Variants in VRK2 observed in about 807,000 individuals in gnomAD.
VRK2 encodes VRK serine/threonine kinase 2.
Under a neutral mutation model 57.6 loss-of-function variants are expected in VRK2, and 60 were observed. The observed-to-expected ratio is 1.04, with a 90% CI of 0.85 to 1.29. VRK2 has a LOEUF of 1.29. Ranked by LOEUF, VRK2 falls within the 50% of genes most tolerant of loss-of-function variation. The pLI, the probability that VRK2 is intolerant of heterozygous loss-of-function variation, is 0.00. For missense variants in VRK2, 705 were observed against 588.1 expected (o/e 1.20, Z -2.06); for synonymous variants, 231 against 199.2 (o/e 1.16, Z -1.35).
chr2:58,136,036 T>C (rs1236369237), intron 10 of VRK2, among the ~76,000 whole-genome samples: 1 of 152,196 alleles, frequency 6.6e-6, no homozygotes, highest in African/African-American at 2.4e-5. Context: ...CTGACCTCTC[T>C]AGCTAAGGTC....
At chr2:58,147,950 A>G (rs923054926) in intron 12 of VRK2, among the ~76,000 whole-genome samples, 1 of 151,788 alleles carries the variant, frequency 6.6e-6, no homozygotes, top group African/African-American at 2.4e-5. Flanking sequence ...CCATTCTCCT[A>G]TTAATGGACA....
chr2:57,936,523 G>GTTTTT (rs979256098), intron 1 of VRK2, among the ~76,000 whole-genome samples: 1 of 145,356 alleles, frequency 6.9e-6, no homozygotes, highest in Non-Finnish European at 1.5e-5. Flanking sequence ...GTTTTGTTTT[G>GTTTTT]TTTTTTTGTT....
At chr2:58,065,822 G>A (rs1173586900) in intron 2 of VRK2, among the ~76,000 whole-genome samples, 1 of 152,020 alleles carries the variant, frequency 6.6e-6, no homozygotes, top group Non-Finnish European at 1.5e-5. Flanking sequence ...TCCTATACAT[G>A]TATTGTTGGG....
chr2:58,106,377 A>G (rs796594003), intron 7 of VRK2, among the ~76,000 whole-genome samples: 1 of 152,062 alleles, frequency 6.6e-6, no homozygotes, highest in Non-Finnish European at 1.5e-5. Context: ...ATGTTTTGCT[A>G]AAAGAACCAG....
chr2:58,053,675 A>T (rs1467775095), intron 2 of VRK2, among the ~76,000 whole-genome samples: 1 of 152,186 alleles, frequency 6.6e-6, no homozygotes, highest in African/African-American at 2.4e-5. Context: ...CCCAGTGATA[A>T]TACTAGCAAC....
chr2:58,122,367 C>T (rs1404806403), intron 7 of VRK2, among the ~76,000 whole-genome samples: 1 of 152,116 alleles, frequency 6.6e-6, no homozygotes, highest in African/African-American at 2.4e-5. Context: ...CTACTGTTTA[C>T]CAGAAGCCTT....
In VRK2 at chr2:58,151,551, A is replaced by G. The variant is rs937968963; in HGVS notation, c.1182+5077A>G. Among the ~76,000 whole-genome samples the G allele has an allele frequency of 4.6e-5, 7 of 151,312 alleles. No individual in the cohort carries two copies. In the East Asian group the frequency reaches 5.8e-4, roughly 13 times the overall value. ...ACTATCTTTTATTTGCTCCATATCT[A>G]TTTCATGTAACTATATTTGCTCCAT... On this transcript the variant is annotated intron_variant, in intron 12 of 12. Transcript: ENST00000340157.
chr2:58,100,528 G>T (rs1180419284), intron 7 of VRK2, among the ~76,000 whole-genome samples: 2 of 151,728 alleles, frequency 1.3e-5, no homozygotes. Flanking sequence ...TTCCTTCCTT[G>T]TGAGGTTCTG....
intron 10 of VRK2, 82 bp from the exon 11 acceptor site, chr2:58,139,584 A>T: frequency 8.0e-7 from 1 of 1,242,970 alleles, no homozygotes; most frequent in East Asian, 2.3e-5. Flanking sequence ...AAAGACAAAG[A>T]TAACAAAGAT....
chr2:57,975,420 G>C (rs148566062), intron 1 of VRK2, among the ~76,000 whole-genome samples: 166 of 152,170 alleles, frequency 1.1e-3, no homozygotes, highest in African/African-American at 3.7e-3. Context: ...CACAAACTTT[G>C]TGGTTTCAAA....
chr2:58,094,104 C>G (rs553112171), intron 7 of VRK2, among the ~76,000 whole-genome samples: 115 of 152,310 alleles, frequency 7.6e-4, no homozygotes, highest in African/African-American at 2.6e-3. Context: ...AGCCTGATGC[C>G]TCCAGCTTTG....
intron 1 of VRK2, among the ~76,000 whole-genome samples, chr2:57,929,233 C>T (rs1057164264): frequency 3.9e-5 from 6 of 152,204 alleles, no homozygotes; most frequent in Non-Finnish European, 7.3e-5. Flanking sequence ...TACCTGGTGC[C>T]TTATTCTACT....
intron 1 of VRK2, among the ~76,000 whole-genome samples, chr2:57,932,617 T>C (rs899210524): frequency 1.7e-4 from 26 of 152,088 alleles, no homozygotes; most frequent in African/African-American, 5.8e-4. Flanking sequence ...GTTATGTTGT[T>C]TCTCTTTTTT....
chr2:58,048,462 A>C, intron 1 of VRK2: 1 of 929,200 alleles, frequency 1.1e-6, no homozygotes, highest in Non-Finnish European at 1.5e-6. Context: ...TGACAGCAAT[A>C]TTTCCATGTA....
chr2:57,914,509 C>T (rs1670086782), intron 1 of VRK2, among the ~76,000 whole-genome samples: 2 of 151,978 alleles, frequency 1.3e-5, no homozygotes. Flanking sequence ...TAGATGACGA[C>T]CTCTGCTATG....
chr2:58,150,000 T>C (rs1432483228), intron 12 of VRK2, among the ~76,000 whole-genome samples: 5 of 144,964 alleles, frequency 3.4e-5, no homozygotes, highest in Admixed American at 6.8e-5. Context: ...TCTTTTCTTT[T>C]TTTTTTTTTT....
At chr2:57,970,804 C>T (rs537904202) in intron 1 of VRK2, among the ~76,000 whole-genome samples, 25 of 151,846 alleles carry the variant, frequency 1.6e-4, no homozygotes, top group African/African-American at 5.8e-4. Flanking sequence ...TATAATTCTA[C>T]TCTCTTCTCC....
chr2:57,921,689 C>G lies in VRK2; in HGVS notation c.-439+13850C>G, dbSNP rs114198030. ...AGCAACTGCTAGTTCCCATAGGGAA[C>G]AGTAAGTTCCCAGTAAAGATGATAT... On this transcript the variant is annotated intron_variant, in intron 1 of 15. Coordinates refer to the VRK2 transcript ENST00000417641. Among the ~76,000 whole-genome samples, 1,119 of 152,168 alleles carry G rather than the reference C, an allele frequency of 7.4e-3. 16 individuals carry two copies. Among genetic ancestry groups the G allele is most frequent in the African/African-American group, 0.025 (1,023 of 41,536 alleles).
chr2:58,007,521 T>C (rs1401062474), intron 1 of VRK2, among the ~76,000 whole-genome samples: 2 of 152,140 alleles, frequency 1.3e-5, no homozygotes, highest in Admixed American at 6.6e-5. Context: ...TTCCACATAA[T>C]AAATACTAAA....
Sources: allele counts gnomAD v4.1 joint callset (sites outside exome capture counted in the v4.1 genomes callset), GRCh38; gene constraint gnomAD v4.1.1; transcripts MANE v1.5; gene names NCBI Gene and HGNC (gene_info 2026-07-23, HGNC 2026-07-21).